Variants in TRPV4 observed in about 807,000 individuals in gnomAD.
The protein encoded by TRPV4 is OSM9-like transient receptor potential channel 4.
A neutral mutation model predicts 84.1 loss-of-function variants in TRPV4; 58 were observed. The observed-to-expected ratio is 0.69, with a 90% CI of 0.56 to 0.86. The LOEUF (loss-of-function observed/expected upper bound fraction) is 0.86, where lower values mean the gene tolerates loss of function less well. Among genes scored for constraint, TRPV4 ranks in the 40% least tolerant of loss-of-function variants. TRPV4 has a pLI of 0.00. For synonymous variants in TRPV4, 489 were observed against 500.9 expected, an observed-to-expected ratio of 0.98 and a Z score of 0.32; for missense variants, 879 against 1,181.1, an observed-to-expected ratio of 0.74 and a Z score of 3.75.
intron 1 of TRPV4, among the ~76,000 whole-genome samples, chr12:109,822,127 G>C (rs1266529351): frequency 6.6e-6 from 1 of 151,604 alleles, no homozygotes; most frequent in East Asian, 1.9e-4. Flanking sequence ...AGAGGGGAAA[G>C]TGCAGGGTGC....
At chr12:109,792,221 C>T (rs1592826383) in intron 12 of TRPV4, 142 bp downstream of exon 12, 4 of 688,636 alleles carry the variant, frequency 5.8e-6, no homozygotes, top group Non-Finnish European at 9.3e-6. Context: ...CCAGCCCGGG[C>T]AACAGGAGCA....
rs911270245 is a variant in TRPV4, at chr12:109,786,961, C to T, written c.2209-124G>A. The T allele has an allele frequency of 7.5e-7, 1 of 1,332,170 alleles. No homozygotes were observed. The highest frequency in any genetic ancestry group is 1.0e-6 in the Non-Finnish European group (1 of 953,576). The allele number at this position is 1,332,170 out of a possible 1,614,324, so 82.5% of individuals were successfully genotyped here. On this transcript the variant is annotated intron_variant, in intron 13 of 15. Transcript: ENST00000261740. This position sits in a 1 kb window ranked among gnomAD's most constrained non-coding sequence, Gnocchi z 4.5. ...GAACTAGGCATTTAGACTCCTACTC[C>T]CCACTAGACACAGGGTTTATAAACT...
At chr12:109,817,271 C>T (rs1592867029) in intron 1 of TRPV4, among the ~76,000 whole-genome samples, 1 of 152,270 alleles carries the variant, frequency 6.6e-6, no homozygotes, top group East Asian at 1.9e-4. Context: ...ATGGCCCTGT[C>T]CACCTCACTG....
intron 3 of TRPV4, among the ~76,000 whole-genome samples, chr12:109,804,992 T>G (rs968913495): frequency 6.6e-6 from 1 of 152,234 alleles, no homozygotes; most frequent in East Asian, 1.9e-4. Flanking sequence ...TCACTCAGAC[T>G]CTGCTCAAGT....
chr12:109,794,404 G>A lies in TRPV4; in HGVS notation c.1416C>T (p.Tyr472=), dbSNP rs1890255190. The change falls in exon 8 of 16, where the codon TAC becomes TAT. Residue 472 remains tyrosine (Y), a synonymous_variant. Coordinates refer to ENST00000261740, the MANE Select transcript of TRPV4 (RefSeq NM_021625.5). ...CACACAGGTAGGAGACCACGTTGAT[G>A]TAGAAGGAGACGGCCCCGAACTTGC... is the stretch of plus-strand genomic sequence containing the variant. ...KWRKFGAVSF[Y]INVVSYLCAM... 1 of 1,613,934 alleles carries A rather than the reference G, an allele frequency of 6.2e-7. No homozygotes were observed. Among genetic ancestry groups the A allele is most frequent in the Admixed American group, 1.7e-5 (1 of 60,014 alleles).
chr12:109,812,316 G>C (rs1360252672), intron 2 of TRPV4, among the ~76,000 whole-genome samples: 1 of 152,188 alleles, frequency 6.6e-6, no homozygotes, highest in Non-Finnish European at 1.5e-5. Flanking sequence ...GCCCCATCCA[G>C]GGCTTCTCTC....
Position 109,783,622 on chromosome 12 carries a change from T to C in TRPV4, c.2615A>G (p.Ter872TrpextTer102), listed in dbSNP as rs1235218303. ...GAAGCTGGGGCTGGGCTGCAGTCCC[T>C]AGAGCGGGGCGTCATCAGTCCTCCA... Reference protein sequence around the residue: ...RKWRTDDAPL* With the variant: ...RKWRTDDAPLW Residue 872 changes from the stop codon to tryptophan, a stop_lost, in exon 16 of 16, where the codon TAG becomes TGG. Transcript: ENST00000261740. This position sits in a 1 kb window ranked among gnomAD's most constrained non-coding sequence, Gnocchi z 4.6. 4 of 1,613,144 alleles carry C rather than the reference T, an allele frequency of 2.5e-6. No homozygotes were observed. In the African/African-American group the frequency reaches 4.0e-5, roughly 16 times the overall value.
chr12:109,826,080 G>A (rs564182570), intron 1 of TRPV4, among the ~76,000 whole-genome samples: 11 of 152,216 alleles, frequency 7.2e-5, no homozygotes, highest in South Asian at 2.1e-4. Flanking sequence ...CTGGAGTGCA[G>A]TGGCACAATC....
At chr12:109,807,390 A>G (rs571933629) in intron 3 of TRPV4, among the ~76,000 whole-genome samples, 6 of 141,516 alleles carry the variant, frequency 4.2e-5, no homozygotes, top group African/African-American at 1.7e-4. Flanking sequence ...AGGTATCACA[A>G]TTCTTTTTTT....
intron 3 of TRPV4, among the ~76,000 whole-genome samples, chr12:109,807,526 G>A (rs1358968457): frequency 2.0e-5 from 3 of 151,840 alleles, no homozygotes; most frequent in African/African-American, 7.3e-5. Flanking sequence ...GATTACAGGT[G>A]TGAGCCACCA....
At position 109,793,646 on chromosome 12, in the gene TRPV4, G is replaced by A. The variant is rs764230311; in HGVS notation, c.1585-46C>T. On this transcript the variant is annotated intron_variant, in intron 9 of 15. Transcript: ENST00000261740. The surrounding 1 kb of genome is among the most constrained non-coding windows in gnomAD (Gnocchi z 4.0). ...CGTGAAAGGGGTGGGGCCAGCAGGA[G>A]AGGAGAGGAGGAGAGAGGAGACAGA... is the stretch of plus-strand genomic sequence containing the variant. 2.8e-5 allele frequency: 40 copies of A among 1,447,680 alleles called. No homozygotes were observed. Among genetic ancestry groups the A allele is most frequent in the Non-Finnish European group, 3.8e-5 (39 of 1,028,966 alleles). 89.7% of individuals were successfully genotyped at this position (1,447,680 alleles called of 1,614,324 possible). A position where few individuals can be genotyped will look rare whatever the true frequency, so the allele number is the denominator to read the frequency against.
chr12:109,796,845 T>G lies in TRPV4; in HGVS notation c.1153-141A>C. On this transcript the variant is annotated intron_variant, in intron 6 of 15. Transcript: ENST00000261740. The surrounding 1 kb of genome is among the most constrained non-coding windows in gnomAD (Gnocchi z 4.2). ...CCCTTTCCTCATCTTGTTTAATTCT[T>G]GCTCTTATTATCTTGGTTTACAGAT... 1.1e-6 allele frequency: 1 copy of G among 876,730 alleles called. No individual in the cohort carries two copies. Among genetic ancestry groups the G allele is most frequent in the Non-Finnish European group, 1.7e-6 (1 of 596,346 alleles). The allele number at this position is 876,730 out of a possible 1,614,324, so 54.3% of individuals were successfully genotyped here. A position where few individuals can be genotyped will look rare whatever the true frequency, so the allele number is the denominator to read the frequency against.
intron 4 of TRPV4, 142 bp from the exon 5 acceptor site, chr12:109,800,900 A>G (rs1371820504): frequency 5.3e-6 from 4 of 756,676 alleles, no homozygotes; most frequent in Non-Finnish European, 9.1e-6. Context: ...ACCCAAGGGC[A>G]GCAAATAGGT....
rs760172802 is a variant in TRPV4 at position 109,814,715 on chromosome 12, C to G, written c.82G>C (p.Gly28Arg). The change falls in exon 2 of 16, where the codon GGG becomes CGG. Residue 28 changes from glycine (G) to arginine (R), a missense_variant. By Grantham distance (125) the Gly-to-Arg change is moderately radical (BLOSUM62 -2). Transcript: ENST00000261740. The surrounding 1 kb of genome is among the most constrained non-coding windows in gnomAD (Gnocchi z 5.4). ...AGGGAGGAGAGAGGAAAAGCCTCCC[C>G]ACCTGGGGTGCCACTCTCATCCCCG... ...LPGDESGTPG[G>R]EAFPLSSLAN... is the part of the protein sequence containing the mutation. 2 of 1,603,720 alleles carry G rather than the reference C, an allele frequency of 1.2e-6. No homozygotes were observed. Among genetic ancestry groups the G allele is most frequent in the Non-Finnish European group, 1.7e-6 (2 of 1,175,870 alleles).
intron 3 of TRPV4, among the ~76,000 whole-genome samples, chr12:109,804,824 T>C (rs1042469516): frequency 2.6e-5 from 4 of 152,212 alleles, no homozygotes; most frequent in African/African-American, 9.6e-5. Context: ...CCAGCCTCTC[T>C]GGCCTTCCTT....
At chr12:109,806,494 C>T (rs922937125) in intron 3 of TRPV4, among the ~76,000 whole-genome samples, 7 of 151,484 alleles carry the variant, frequency 4.6e-5, no homozygotes, top group East Asian at 4.0e-4. Flanking sequence ...CATGAGCCAC[C>T]GCACCCGGCC....
chr12:109,819,922 T>A (rs1309943676), intron 1 of TRPV4, among the ~76,000 whole-genome samples: 1 of 152,196 alleles, frequency 6.6e-6, no homozygotes, highest in East Asian at 1.9e-4. Context: ...CAGGTTTATA[T>A]TCAAACTCTT....
At chr12:109,800,406 T>C (rs1890695953) in intron 5 of TRPV4, among the ~76,000 whole-genome samples, 1 of 75,540 alleles carries the variant, frequency 1.3e-5, no homozygotes, top group African/African-American at 5.3e-5. Context: ...TCCAGGTCCA[T>C]GGTACTCCCC....
intron 13 of TRPV4, among the ~76,000 whole-genome samples, chr12:109,787,713 TG>T (rs1409189116): frequency 6.6e-6 from 1 of 152,122 alleles, no homozygotes; most frequent in Non-Finnish European, 1.5e-5. Context: ...AGGACAACCT[TG>T]GGCCCTTTTT....
Sources: allele counts gnomAD v4.1 joint callset (sites outside exome capture counted in the v4.1 genomes callset), GRCh38; gene constraint gnomAD v4.1.1; non-coding constraint Gnocchi (gnomAD v3.1); transcripts MANE v1.5; gene names NCBI Gene and HGNC (gene_info 2026-07-23, HGNC 2026-07-21).